Variants in ZIM2 observed in about 807,000 individuals in gnomAD.
ZIM2 encodes zinc finger imprinted 2.
ZIM2 carries 14 observed loss-of-function variants against 38.6 expected under a neutral mutation model. The ratio of observed to expected loss-of-function variants is 0.36; its 90% CI spans 0.24 to 0.57. The LOEUF (loss-of-function observed/expected upper bound fraction) is 0.57, where lower values mean the gene tolerates loss of function less well. Ranked by LOEUF, ZIM2 falls within the 20% of genes least tolerant of loss-of-function variation. The probability of loss-of-function intolerance (pLI) is 0.81; values close to 1 mark genes in which losing one functional copy is unlikely to be tolerated. For synonymous variants in ZIM2, 247 were observed against 245.8 expected (o/e 1.00, Z -0.04); for missense variants, 680 against 695.1 (o/e 0.98, Z 0.24).
At chr19:56,835,237 G>T (rs181223387) in intron 2 of ZIM2, among the ~76,000 whole-genome samples, 155 of 152,252 alleles carry the variant, frequency 1.0e-3, no homozygotes, top group South Asian at 8.3e-4. Flanking sequence ...TGATTATCAT[G>T]ATACTCCCAT....
At chr19:56,809,203 C>T (rs370429533) in intron 9 of ZIM2, among the ~76,000 whole-genome samples, 21 of 152,236 alleles carry the variant, frequency 1.4e-4, no homozygotes, top group East Asian at 1.4e-3. Flanking sequence ...TGCTGATGCT[C>T]GTCACAGAAT....
chr19:56,780,218 A>G (rs2046252226), intron 11 of ZIM2, among the ~76,000 whole-genome samples: 1 of 150,452 alleles, frequency 6.6e-6, no homozygotes, highest in Non-Finnish European at 1.5e-5. Flanking sequence ...CTTTCTTTTT[A>G]ACTTAGATAT....
In ZIM2 at chr19:56,790,135, C is replaced by G. The variant is rs534928682; in HGVS notation, c.491-184G>C. On this transcript the variant is annotated intron_variant, in intron 9 of 12. Coordinates refer to ENST00000629319, the MANE Select transcript of ZIM2 (RefSeq NM_001387356.1). ...AAATAACAAGTTCCAAAAGAGAGCT[C>G]TGGTTATTTCCCAGCTCTAAATGCT... 8 of 425,056 alleles carry G rather than the reference C, an allele frequency of 1.9e-5. No homozygotes were observed. The South Asian group carries it at 7.3e-4, about 39-fold the overall frequency. 26.3% of individuals were successfully genotyped at this position (425,056 alleles called of 1,614,324 possible).
intron 9 of ZIM2, among the ~76,000 whole-genome samples, chr19:56,805,039 C>G (rs1395609285): frequency 6.6e-6 from 1 of 152,138 alleles, no homozygotes; most frequent in African/African-American, 2.4e-5. Flanking sequence ...CTGCTCTGTC[C>G]CCCTTCCTTT....
chr19:56,835,591 TCAAA>T (rs2062012624), intron 2 of ZIM2, among the ~76,000 whole-genome samples: 1 of 152,188 alleles, frequency 6.6e-6, no homozygotes, highest in African/African-American at 2.4e-5. Flanking sequence ...AAAGTATAAA[TCAAA>T]CAATTATGTT....
chr19:56,777,067 G>A (rs183729926), intron 12 of ZIM2, among the ~76,000 whole-genome samples: 1 of 152,302 alleles, frequency 6.6e-6, no homozygotes, highest in East Asian at 1.9e-4. Context: ...CTCTCTGGTT[G>A]GAAAAATACT....
intron 2 of ZIM2, among the ~76,000 whole-genome samples, chr19:56,834,949 GAACA>G (rs933911900): frequency 1.3e-5 from 2 of 152,156 alleles, no homozygotes; most frequent in African/African-American, 4.8e-5. Context: ...GCTAACAAAT[GAACA>G]AACAGACAAC....
At position 56,803,355 on chromosome 19, in the gene ZIM2, C is replaced by G. The variant is rs140343060; in HGVS notation, c.491-13404G>C. Among the ~76,000 whole-genome samples the G allele has an allele frequency of 3.7e-3, 569 of 152,258 alleles. 3 individuals carry two copies. Among genetic ancestry groups the G allele is most frequent in the African/African-American group, 0.012 (494 of 41,550 alleles). ...GTGAACCTACTGAAAATGTGGAAGT[C>G]CAATGGTTCACTGGTAGGAGCAGCT... On this transcript the variant is annotated intron_variant, in intron 9 of 12. Coordinates refer to ENST00000629319, the MANE Select transcript of ZIM2 (RefSeq NM_001387356.1).
chr19:56,827,915 G>A (rs773660473), intron 2 of ZIM2, among the ~76,000 whole-genome samples: 5 of 152,146 alleles, frequency 3.3e-5, no homozygotes, highest in Admixed American at 2.0e-4. Context: ...ATGACTAATC[G>A]CAATTGCCTC....
At position 56,839,494 on chromosome 19, in the gene ZIM2, A is replaced by C. The variant is rs751821638; in HGVS notation, c.-314+1088T>G. On this transcript the variant is annotated intron_variant, in intron 1 of 12. Transcript: ENST00000629319. ...GCCTTGCCCCGCCCCATATGCCACCAACCAACCAGGGGAGCACCTGCGCAG... is the reference window on the plus strand; with the variant it reads ...GCCTTGCCCCGCCCCATATGCCACCCACCAACCAGGGGAGCACCTGCGCAG... Among the ~76,000 whole-genome samples the C allele has an allele frequency of 3.3e-5, 5 of 151,310 alleles. No individual in the cohort carries two copies. The South Asian group carries it at 6.3e-4, about 19-fold the overall frequency.
chr19:56,778,152 C>G (rs926888022), intron 12 of ZIM2, among the ~76,000 whole-genome samples: 1 of 152,200 alleles, frequency 6.6e-6, no homozygotes, highest in African/African-American at 2.4e-5. Flanking sequence ...TTTAAAACTA[C>G]TGCCCCCATT....
At position 56,814,457 on chromosome 19, in the gene ZIM2, T is replaced by G. The variant is rs370009140; in HGVS notation, c.490+3289A>C. 4.3e-6 allele frequency: 7 copies of G among 1,613,770 alleles called. No homozygotes were observed. Among genetic ancestry groups the G allele is most frequent in the Non-Finnish European group, 5.9e-6 (7 of 1,179,750 alleles). On this transcript the variant is annotated intron_variant, in intron 9 of 12. Coordinates refer to ENST00000629319, the MANE Select transcript of ZIM2 (RefSeq NM_001387356.1). This position sits in a 1 kb window ranked among gnomAD's most constrained non-coding sequence, Gnocchi z 5.8. ...CAATCCTTGCATTCATAGAATGGTA[T>G]AGCTCCTTTGAGGGGCTCAGTAAGA...
At chr19:56,804,068 A>T (rs1296652635) in intron 9 of ZIM2, among the ~76,000 whole-genome samples, 2 of 152,154 alleles carry the variant, frequency 1.3e-5, no homozygotes, top group Admixed American at 1.3e-4. Flanking sequence ...GGTGGCTGGG[A>T]CTCATCCCAC....
chr19:56,822,855 C>T lies in ZIM2; in HGVS notation c.107-19G>A, dbSNP rs558098601. On this transcript the variant is annotated intron_variant, in intron 5 of 12. Transcript: ENST00000629319. ...CGGTCACCTAAGCAGGTGAGACATT[C>T]CAGTGGTTAACAAAGCTCTTTGACA... The T allele has an allele frequency of 1.1e-5, 18 of 1,609,960 alleles. 1 individual carries two copies. Among genetic ancestry groups the T allele is most frequent in the Non-Finnish European group, 1.5e-5 (18 of 1,178,226 alleles).
rs2060811804 is a variant in ZIM2 at position 56,824,377 on chromosome 19, C to G, written c.-100G>C. The G allele has an allele frequency of 1.2e-6, 2 of 1,614,072 alleles. No individual in the cohort carries two copies. The highest frequency in any genetic ancestry group is 3.3e-5 in the Admixed American group (2 of 60,012). On this transcript the variant is annotated 5_prime_UTR_variant, in exon 4 of 13. Transcript: ENST00000629319. Reference sequence around the variant, plus strand: ...GCTTTTCAGGGATGATGGTCAGGTACTGCTCAAGGACCAAGAGCTCGATGA... The same window carrying G: ...GCTTTTCAGGGATGATGGTCAGGTAGTGCTCAAGGACCAAGAGCTCGATGA...
At chr19:56,781,851 A>C in intron 11 of ZIM2, 102 bp downstream of exon 11, 3 of 1,441,798 alleles carry the variant, frequency 2.1e-6, no homozygotes, top group Non-Finnish European at 2.8e-6. Context: ...GTTGAGACTC[A>C]CTGACATGGT....
chr19:56,804,328 TTAAAGAA>T (rs1272131795), intron 9 of ZIM2, among the ~76,000 whole-genome samples: 29 of 152,194 alleles, frequency 1.9e-4, no homozygotes, highest in Non-Finnish European at 3.8e-4. Flanking sequence ...AAAGGTGCTA[TTAAAGAA>T]AGTTGTCCCA....
At chr19:56,824,109 G>A (rs1329685480) in intron 4 of ZIM2, among the ~76,000 whole-genome samples, 153 bp downstream of exon 4, 2 of 152,124 alleles carry the variant, frequency 1.3e-5, no homozygotes, top group Non-Finnish European at 2.9e-5. Flanking sequence ...AAATCATGAT[G>A]CAGCTCAATA....
chr19:56,805,146 C>T (rs935471508), intron 9 of ZIM2, among the ~76,000 whole-genome samples: 2 of 152,122 alleles, frequency 1.3e-5, no homozygotes, highest in Non-Finnish European at 2.9e-5. Context: ...GGGACACTGT[C>T]GTGTGCATTA....
Sources: gnomAD v4.1 joint callset for allele counts (sites outside exome capture counted in the v4.1 genomes callset) on GRCh38, gnomAD v4.1.1 for gene constraint, Gnocchi (gnomAD v3.1) non-coding constraint, MANE v1.5 for transcripts, NCBI Gene and HGNC (gene_info 2026-07-23, HGNC 2026-07-21) for gene names.